TAPBPL: variants seen among roughly 807,000 people sequenced by gnomAD.
The protein encoded by TAPBPL is TAP binding protein like.
TAPBPL carries 32 observed loss-of-function variants against 44.8 expected under a neutral mutation model. That is an observed-to-expected ratio of 0.71 (90% CI 0.54 to 0.96). TAPBPL has a LOEUF of 0.96. TAPBPL is among the 40% of genes least tolerant of loss of function. The probability of loss-of-function intolerance (pLI) is 0.00; values close to 1 mark genes in which losing one functional copy is unlikely to be tolerated. For synonymous variants in TAPBPL, 230 were observed against 240.7 expected (o/e 0.96, Z 0.41); for missense variants, 520 against 586.6 (o/e 0.89, Z 1.17).
intron 5 of TAPBPL, 84 bp from the exon 6 acceptor site, chr12:6,460,771 T>A (rs1043285685): frequency 7.4e-7 from 1 of 1,347,068 alleles, no homozygotes; most frequent in African/African-American, 1.4e-5. Context: ...TAGCTCCTCC[T>A]CCCTGGGGTG....
At chr12:6,452,453 C>G in intron 1 of TAPBPL, 141 bp downstream of exon 1, 4 of 1,439,350 alleles carry the variant, frequency 2.8e-6, no homozygotes, top group Non-Finnish European at 2.7e-6. Flanking sequence ...AAAGGCTCAG[C>G]GGCTGGCAAA....
At position 6,458,860 on chromosome 12, in the gene TAPBPL, G is replaced by A. The variant is rs1277417904; in HGVS notation, c.1120G>A (p.Gly374Ser). Residue 374 changes from glycine (G) to serine (S), a missense_variant, in exon 5 of 7, where the codon GGC becomes AGC. Gly to Ser is a moderately conservative substitution (Grantham distance 56, BLOSUM62 0). Transcript: ENST00000266556. ...CTCCTCCTCTCTCACCGCAGAACCT[G>A]GCTCTGCAGGTGCCACTTACACCTG... ...SISSSLTAEP[G>S]SAGATYTCQV... The A allele has an allele frequency of 6.2e-7, 1 of 1,614,136 alleles. No homozygotes were observed. The highest frequency in any genetic ancestry group is 1.1e-5 in the South Asian group (1 of 91,084).
chr12:6,465,231 G>A (rs1949973800), downstream of TAPBPL: 1 of 471,676 alleles, frequency 2.1e-6, no homozygotes, highest in Non-Finnish European at 4.0e-6. Flanking sequence ...TAGAGATACA[G>A]ACTCTGGATA....
rs755916605 is a variant in TAPBPL at position 6,462,024 on chromosome 12, C to T, written c.1292-10C>T. 7.5e-6 allele frequency: 12 copies of T among 1,608,170 alleles called. No individual in the cohort carries two copies. Among genetic ancestry groups the T allele is most frequent in the Non-Finnish European group, 1.0e-5 (12 of 1,176,048 alleles). On this transcript the variant is annotated splice_polypyrimidine_tract_variant and intron_variant, in intron 6 of 6. Transcript: ENST00000266556. ...CCACGCAACTTCCTGTCTTCACTTC[C>T]TCTTACCAGCACCTACAGGACTTGG...
At chr12:6,465,134 T>G (rs1359964532), downstream of TAPBPL, 2 of 743,254 alleles carry the variant, frequency 2.7e-6, no homozygotes, top group Non-Finnish European at 4.2e-6. Flanking sequence ...ACAGTATGTC[T>G]GTAGCTTTTC....
chr12:6,463,351 G>A, downstream of TAPBPL: 1 of 1,134,324 alleles, frequency 8.8e-7, no homozygotes, highest in Non-Finnish European at 1.1e-6. This position sits in a 1 kb window ranked among gnomAD's most constrained non-coding sequence, Gnocchi z 4.0. Context: ...GGGTCTACAT[G>A]ACTTCTCTGC....
chr12:6,458,608 G>T (rs1368456929), intron 4 of TAPBPL, 37 bp from the exon 5 acceptor site: 4 of 1,603,874 alleles, frequency 2.5e-6, no homozygotes, highest in Non-Finnish European at 3.4e-6. Flanking sequence ...TCCCCAGTTA[G>T]ATCCATGTGT....
downstream of TAPBPL, chr12:6,462,335 C>A (rs1949893789): frequency 1.7e-6 from 1 of 576,746 alleles, no homozygotes; most frequent in Non-Finnish European, 3.1e-6. Context: ...GTTGTTATTA[C>A]TCTATACAAG....
In TAPBPL at chr12:6,453,727, G is replaced by T; in HGVS notation, c.565+11G>T. 6.3e-7 allele frequency: 1 copy of T among 1,576,650 alleles called. No homozygotes were observed. Among genetic ancestry groups the T allele is most frequent in the Non-Finnish European group, 8.6e-7 (1 of 1,161,394 alleles). On this transcript the variant is annotated intron_variant, in intron 3 of 6. Coordinates refer to ENST00000266556, the MANE Select transcript of TAPBPL (RefSeq NM_018009.5). This position sits in a 1 kb window ranked among gnomAD's most constrained non-coding sequence, Gnocchi z 4.8. ...CTGTGCGAACTGCAGGTAAGAAAAT[G>T]AAAAGCAAGGCCAGGTGTGGTGGCT...
downstream of TAPBPL, chr12:6,465,690 C>T (rs1950005205): frequency 1.8e-6 from 2 of 1,128,138 alleles, no homozygotes; most frequent in Non-Finnish European, 2.5e-6. Context: ...AATGCAATCT[C>T]AAGAGGAGGC....
At chr12:6,456,584 A>G (rs10774432) in intron 3 of TAPBPL, among the ~76,000 whole-genome samples, 101,000 of 151,776 alleles carry the variant, frequency 0.67, 33,919 homozygotes, top group East Asian at 0.78. Flanking sequence ...GGCTGGTCTC[A>G]AACTCCCAAC....
downstream of TAPBPL, among the ~76,000 whole-genome samples, chr12:6,471,218 C>G (rs1169311402): frequency 2.6e-5 from 4 of 152,194 alleles, no homozygotes; most frequent in Non-Finnish European, 5.9e-5. The surrounding 1 kb of genome is among the most constrained non-coding windows in gnomAD (Gnocchi z 4.0). Context: ...ATACCGGATG[C>G]GGGGTTCCGT....
downstream of TAPBPL, chr12:6,467,220 T>A (rs1277435192): frequency 6.2e-6 from 1 of 160,912 alleles, no homozygotes; most frequent in African/African-American, 2.4e-5. Flanking sequence ...GCTGAAAAGA[T>A]ACCCAAAAAT....
intron 3 of TAPBPL, among the ~76,000 whole-genome samples, chr12:6,455,594 T>C (rs1318619259): frequency 6.6e-6 from 1 of 152,022 alleles, no homozygotes; most frequent in African/African-American, 2.4e-5. Flanking sequence ...ATGCCACAGA[T>C]CTTCATACTT....
chr12:6,468,416 G>A (rs1945684026), downstream of TAPBPL, among the ~76,000 whole-genome samples: 1 of 152,212 alleles, frequency 6.6e-6, no homozygotes, highest in African/African-American at 2.4e-5. Context: ...AGTCAGGACT[G>A]TTTGTTTGCT....
chr12:6,463,148 C>A, downstream of TAPBPL: 1 of 1,457,406 alleles, frequency 6.9e-7, no homozygotes, highest in Admixed American at 2.5e-5. The surrounding 1 kb of genome is among the most constrained non-coding windows in gnomAD (Gnocchi z 4.0). Flanking sequence ...ACTGTCTATA[C>A]ACACAAACCA....
At position 6,458,924 on chromosome 12, in the gene TAPBPL, C is replaced by T. The variant is rs201307271; in HGVS notation, c.1184C>T (p.Ala395Val). 385 of 1,613,958 alleles carry T rather than the reference C, an allele frequency of 2.4e-4. 7 individuals carry two copies. In the South Asian group the frequency reaches 3.8e-3, roughly 16 times the overall value. ...ATCTCTCTGGAGGAGCCCCTTGGGG[C>T]CAGCACCCAGGTTGTCCCACCAGGT... ...THISLEEPLG[A>V]STQVVPPERR... Residue 395 changes from alanine to valine, a missense_variant, in exon 5 of 7, where the codon GCC becomes GTC. By Grantham distance (64) the Ala-to-Val change is moderately conservative. Transcript: ENST00000266556.
At chr12:6,464,954 G>A (rs137903255), downstream of TAPBPL, 701 of 1,612,226 alleles carry the variant, frequency 4.3e-4, 2 homozygotes, top group African/African-American at 7.4e-3. Context: ...GAGGAAACAT[G>A]GACAAAAAAT....
At chr12:6,468,941 T>A (rs776414712), downstream of TAPBPL, among the ~76,000 whole-genome samples, 6 of 152,068 alleles carry the variant, frequency 3.9e-5, no homozygotes, top group Non-Finnish European at 7.4e-5. Flanking sequence ...CAAGAGTAAA[T>A]GCAACAAAAA....
Sources: gnomAD v4.1 joint callset for allele counts (sites outside exome capture counted in the v4.1 genomes callset) on GRCh38, gnomAD v4.1.1 for gene constraint, Gnocchi (gnomAD v3.1) non-coding constraint, MANE v1.5 for transcripts, NCBI Gene and HGNC (gene_info 2026-07-23, HGNC 2026-07-21) for gene names.